PLA2G12A: variants seen among roughly 807,000 people sequenced by gnomAD.
PLA2G12A encodes group XIIA secretory phospholipase A2.
In PLA2G12A, 11 loss-of-function variants were observed where a neutral mutation model predicts 16.0. That is an observed-to-expected ratio of 0.69 (90% CI 0.43 to 1.13). The LOEUF (loss-of-function observed/expected upper bound fraction) is 1.13. Among genes scored for constraint, PLA2G12A ranks in the 50% most tolerant of loss-of-function variants. The pLI, the probability that PLA2G12A is intolerant of heterozygous loss-of-function variation, is 0.00. For synonymous variants in PLA2G12A, 77 were observed against 93.8 expected (o/e 0.82, Z 1.03); for missense variants, 214 against 237.3 (o/e 0.90, Z 0.65).
Position 109,711,974 on chromosome 4 carries a change from T to C in PLA2G12A, c.*2403A>G, listed in dbSNP as rs1208291463. 6.6e-6 allele frequency: 1 copy of C among 152,580 alleles called. No individual in the cohort carries two copies. The highest frequency in any genetic ancestry group is 1.5e-5 in the Non-Finnish European group (1 of 68,030). The allele number at this position is 152,580 out of a possible 1,614,324, so 9.5% of individuals were successfully genotyped here. ...TCAGACAAACCCAAATTGAGGAATA[T>C]TCTACAAAACACCTGACCAGTACTC... On this transcript the variant is annotated 3_prime_UTR_variant, in exon 4 of 4. Coordinates refer to ENST00000243501, the MANE Select transcript of PLA2G12A (RefSeq NM_030821.5).
chr4:109,717,149 C>G (rs988897437), intron 3 of PLA2G12A, among the ~76,000 whole-genome samples: 3 of 152,180 alleles, frequency 2.0e-5, no homozygotes, highest in Non-Finnish European at 4.4e-5. Flanking sequence ...GCCTCCAGAA[C>G]TGTAGGAAAT....
chr4:109,724,578 CAT>C (rs1245837471), intron 1 of PLA2G12A, among the ~76,000 whole-genome samples: 1 of 152,100 alleles, frequency 6.6e-6, no homozygotes, highest in Non-Finnish European at 1.5e-5. Context: ...GACAGTGATA[CAT>C]ATATATGTGT....
chr4:109,727,507 A>G (rs1394152358), intron 1 of PLA2G12A, among the ~76,000 whole-genome samples: 3 of 152,206 alleles, frequency 2.0e-5, no homozygotes, highest in Non-Finnish European at 4.4e-5. Flanking sequence ...ACTAAGACAA[A>G]AAATTTTTTT....
At chr4:109,725,867 C>T (rs1722924914) in intron 1 of PLA2G12A, among the ~76,000 whole-genome samples, 1 of 152,160 alleles carries the variant, frequency 6.6e-6, no homozygotes, top group Non-Finnish European at 1.5e-5. Context: ...AAGATTCCAA[C>T]CTGCACTCCC....
At position 109,729,255 on chromosome 4, in the gene PLA2G12A, A is replaced by G. The variant is rs556439074; in HGVS notation, c.208+347T>C. Among the ~76,000 whole-genome samples, 18 of 152,230 alleles carry G rather than the reference A, an allele frequency of 1.2e-4. No individual in the cohort carries two copies. In the South Asian group the frequency reaches 3.7e-3, roughly 32 times the overall value. ...CAATTTACAGAAGCAAAAATGAGCT[A>G]AAACCAGTCTGTTCCACTCTATTCC... On this transcript the variant is annotated intron_variant, in intron 1 of 3. Transcript: ENST00000243501.
At chr4:109,718,944 G>C (rs925867779) in intron 1 of PLA2G12A, among the ~76,000 whole-genome samples, 185 bp from the exon 2 acceptor site, 3 of 152,010 alleles carry the variant, frequency 2.0e-5, no homozygotes, top group African/African-American at 7.3e-5. Flanking sequence ...TATTTCTCCT[G>C]TGGTGAGGAA....
At chr4:109,719,752 A>T (rs1730889407) in intron 1 of PLA2G12A, among the ~76,000 whole-genome samples, 1 of 152,212 alleles carries the variant, frequency 6.6e-6, no homozygotes, top group Non-Finnish European at 1.5e-5. Flanking sequence ...ACACTGTCTA[A>T]AAAAGCCAAT....
chr4:109,726,701 GAA>G (rs1227880058), intron 1 of PLA2G12A, among the ~76,000 whole-genome samples: 1 of 152,098 alleles, frequency 6.6e-6, no homozygotes, highest in African/African-American at 2.4e-5. Context: ...AAAGGAAATC[GAA>G]AAGTTTTCTT....
chr4:109,720,007 T>A (rs1730894608), intron 1 of PLA2G12A, among the ~76,000 whole-genome samples: 1 of 152,244 alleles, frequency 6.6e-6, no homozygotes, highest in Non-Finnish European at 1.5e-5. Flanking sequence ...ACCAGTCACC[T>A]ACTGGCTCTT....
chr4:109,728,436 C>T (rs1195537888), intron 1 of PLA2G12A, among the ~76,000 whole-genome samples: 1 of 152,190 alleles, frequency 6.6e-6, no homozygotes, highest in Non-Finnish European at 1.5e-5. Context: ...CTATTTGATC[C>T]TTAAATTATG....
At chr4:109,720,585 AAAAAAAAAAAAAAAAAAAAATAT>A (rs1297661431) in intron 1 of PLA2G12A, among the ~76,000 whole-genome samples, 3 of 51,674 alleles carry the variant, frequency 5.8e-5, no homozygotes, top group East Asian at 4.6e-4. Context: ...AAAAAAAAAA[AAAAAAAAAAAAAAAAAAAAATAT>A]ATATATATAT....
At chr4:109,717,418 A>G in intron 3 of PLA2G12A, 130 bp downstream of exon 3, 1 of 996,370 alleles carries the variant, frequency 1.0e-6, no homozygotes, top group Non-Finnish European at 1.5e-6. Context: ...CACCTCAGAA[A>G]ATTGAAGTCT....
intron 1 of PLA2G12A, among the ~76,000 whole-genome samples, chr4:109,720,604 A>ATAATAT (rs1305328174): frequency 2.8e-5 from 1 of 35,586 alleles, no homozygotes; most frequent in African/African-American, 1.3e-4. Flanking sequence ...AAAAAAAAAA[A>ATAATAT]ATATATATAT....
intron 1 of PLA2G12A, among the ~76,000 whole-genome samples, chr4:109,721,330 T>C (rs1730938080): frequency 6.6e-6 from 1 of 151,484 alleles, no homozygotes; most frequent in Admixed American, 6.6e-5. Context: ...TTTTTTTTTT[T>C]TTTTTTGAGA....
intron 1 of PLA2G12A, among the ~76,000 whole-genome samples, chr4:109,720,520 G>C (rs1398693136): frequency 7.3e-6 from 1 of 136,978 alleles, no homozygotes; most frequent in African/African-American, 2.8e-5. Context: ...TGAGGTGCCT[G>C]AGCCCAGGTT....
chr4:109,728,450 T>C (rs1271333087), intron 1 of PLA2G12A, among the ~76,000 whole-genome samples: 3 of 152,244 alleles, frequency 2.0e-5, no homozygotes. Context: ...AATTATGCAC[T>C]TAATCCTCCG....
At chr4:109,721,668 C>G (rs1233975417) in intron 1 of PLA2G12A, among the ~76,000 whole-genome samples, 1 of 152,134 alleles carries the variant, frequency 6.6e-6, no homozygotes, top group Non-Finnish European at 1.5e-5. Context: ...TTCCTACTTA[C>G]AAGGGCCTAC....
intron 3 of PLA2G12A, among the ~76,000 whole-genome samples, chr4:109,716,011 A>G (rs1031914153): frequency 6.6e-6 from 1 of 152,256 alleles, no homozygotes; most frequent in African/African-American, 2.4e-5. Context: ...AGACTTTGCC[A>G]TTAAGAAACA....
intron 1 of PLA2G12A, among the ~76,000 whole-genome samples, chr4:109,719,909 C>G (rs1365656561): frequency 6.7e-6 from 1 of 149,498 alleles, no homozygotes; most frequent in Non-Finnish European, 1.5e-5. Flanking sequence ...AGCAAACAAG[C>G]AAAAAAAAAC....
Sources: allele counts gnomAD v4.1 joint callset (sites outside exome capture counted in the v4.1 genomes callset), GRCh38; gene constraint gnomAD v4.1.1; transcripts MANE v1.5; gene names NCBI Gene and HGNC (gene_info 2026-07-23, HGNC 2026-07-21).